FRS2: variants seen among roughly 807,000 people sequenced by gnomAD.
FRS2 encodes the protein FGFR signalling adaptor.
FRS2 carries 8 observed loss-of-function variants against 43.9 expected under a neutral mutation model. The ratio of observed to expected loss-of-function variants is 0.18; its 90% CI spans 0.11 to 0.33. The LOEUF is 0.33. Ranked by LOEUF, FRS2 falls within the 10% of genes least tolerant of loss-of-function variation. The pLI is 1.00. For synonymous variants in FRS2, 219 were observed against 220.3 expected (o/e 0.99, Z 0.05); for missense variants, 534 against 627.6 (o/e 0.85, Z 1.59).
Position 69,519,368 on chromosome 12 carries a change from A to T in FRS2, c.-260-11497A>T, listed in dbSNP as rs1330235105. ...ACGTTTACATTTGTATGCCTCTCTT[A>T]TGCATAATGTTGAAGACATAGAAGA... is the stretch of plus-strand genomic sequence containing the variant. On this transcript the variant is annotated intron_variant, in intron 1 of 8. Coordinates refer to ENST00000549921, the MANE Select transcript of FRS2 (RefSeq NM_001278356.2). Among the ~76,000 whole-genome samples, 3 of 152,224 alleles carry T rather than the reference A, an allele frequency of 2.0e-5. No homozygotes were observed. In the East Asian group the frequency reaches 5.8e-4, roughly 29 times the overall value.
chr12:69,520,376 GTTTTT>G (rs112572825), intron 1 of FRS2, among the ~76,000 whole-genome samples: 1 of 110,036 alleles, frequency 9.1e-6, no homozygotes, highest in African/African-American at 3.6e-5. Flanking sequence ...TCTATTATTA[GTTTTT>G]TTTTTTTTTT....
intron 7 of FRS2, 56 bp downstream of exon 7, chr12:69,571,490 A>G (rs1880752949): frequency 9.0e-6 from 12 of 1,327,408 alleles, no homozygotes; most frequent in Middle Eastern, 1.8e-4. Context: ...GTTGTAAGCT[A>G]TAGATTGTGG....
At chr12:69,567,551 A>T (rs1880404128) in intron 4 of FRS2, among the ~76,000 whole-genome samples, 1 of 152,178 alleles carries the variant, frequency 6.6e-6, no homozygotes, top group Non-Finnish European at 1.5e-5. Flanking sequence ...AGATAAACAG[A>T]TACCTGCCAC....
intron 1 of FRS2, among the ~76,000 whole-genome samples, chr12:69,489,269 G>C (rs961220085): frequency 7.2e-5 from 11 of 152,156 alleles, no homozygotes; most frequent in African/African-American, 2.7e-4. Flanking sequence ...TTGGGGTAGA[G>C]TTCTGTAAGT....
chr12:69,501,815 A>T (rs1873468857), intron 1 of FRS2, among the ~76,000 whole-genome samples: 1 of 152,210 alleles, frequency 6.6e-6, no homozygotes, highest in Non-Finnish European at 1.5e-5. Context: ...GGATTTCATT[A>T]TCATATTGTT....
chr12:69,552,545 C>CT (rs1351745408), intron 3 of FRS2, among the ~76,000 whole-genome samples: 6 of 152,086 alleles, frequency 3.9e-5, no homozygotes, highest in Non-Finnish European at 8.8e-5. Flanking sequence ...GGTACTTAAA[C>CT]TTACAAGATC....
At chr12:69,546,015 A>G (rs1319495411) in intron 3 of FRS2, among the ~76,000 whole-genome samples, 1 of 152,172 alleles carries the variant, frequency 6.6e-6, no homozygotes, top group African/African-American at 2.4e-5. Flanking sequence ...CGAATGCTTC[A>G]TGACATTGGA....
intron 6 of FRS2, among the ~76,000 whole-genome samples, chr12:69,570,870 G>A (rs897632121): frequency 2.0e-5 from 3 of 152,130 alleles, no homozygotes; most frequent in Admixed American, 6.5e-5. Flanking sequence ...AAAGGGAAAT[G>A]GTAATACCTA....
intron 3 of FRS2, among the ~76,000 whole-genome samples, chr12:69,547,452 AC>A (rs986777215): frequency 7.9e-5 from 12 of 152,060 alleles, no homozygotes; most frequent in African/African-American, 2.9e-4. Context: ...ACAGAGTGAG[AC>A]CCTGTCTCAA....
intron 3 of FRS2, among the ~76,000 whole-genome samples, chr12:69,534,051 A>C (rs1338572779): frequency 1.3e-5 from 2 of 152,180 alleles, no homozygotes; most frequent in African/African-American, 4.8e-5. Flanking sequence ...AGGTGGTGGA[A>C]TATGGAAATG....
chr12:69,572,120 C>G lies in FRS2; in HGVS notation c.415C>G (p.Pro139Ala). 1 of 1,612,750 alleles carries G rather than the reference C, an allele frequency of 6.2e-7. No individual in the cohort carries two copies. The highest frequency in any genetic ancestry group is 8.5e-7 in the Non-Finnish European group (1 of 1,179,244). The change falls in exon 8 of 9, where the codon CCA becomes GCA. Residue 139 changes from proline to alanine, a missense_variant and splice_region_variant. Transcript: ENST00000549921. Reference sequence around the variant, plus strand: ...TAAACCAATAAACAAAAACTCAGCTCCAGGATTTGCTGCTCAGAACTTACC... The same window carrying G: ...TAAACCAATAAACAAAAACTCAGCTGCAGGATTTGCTGCTCAGAACTTACC... ...VPRTPRTPTT[P>A]GFAAQNLPNG...
chr12:69,559,471 AAGAT>A (rs1162046577), intron 3 of FRS2, among the ~76,000 whole-genome samples: 1 of 152,130 alleles, frequency 6.6e-6, no homozygotes, highest in African/African-American at 2.4e-5. Flanking sequence ...AAACTAAAGA[AAGAT>A]CTGTTTAGGA....
intron 1 of FRS2, among the ~76,000 whole-genome samples, chr12:69,516,446 G>A (rs1481035217): frequency 6.6e-6 from 1 of 151,858 alleles, no homozygotes; most frequent in Non-Finnish European, 1.5e-5. Flanking sequence ...TTGAACTCCG[G>A]ACCTCAGGTG....
At chr12:69,565,663 A>G (rs1288605004) in intron 4 of FRS2, among the ~76,000 whole-genome samples, 1 of 152,192 alleles carries the variant, frequency 6.6e-6, no homozygotes, top group African/African-American at 2.4e-5. Flanking sequence ...GCATGGGCCT[A>G]TACAGGGTGA....
chr12:69,499,223 G>T (rs221108), intron 1 of FRS2, among the ~76,000 whole-genome samples: 14,207 of 152,144 alleles, frequency 0.093, 875 homozygotes, highest in Non-Finnish European at 0.14. Context: ...TATTATTCAG[G>T]CAATTGTGTG....
In FRS2 at chr12:69,470,530, G is replaced by C. The variant is rs1050918849; in HGVS notation, c.-261G>C. 17 of 398,470 alleles carry C rather than the reference G, an allele frequency of 4.3e-5. No individual in the cohort carries two copies. The highest frequency in any genetic ancestry group is 6.6e-5 in the Non-Finnish European group (15 of 226,080). The allele number at this position is 398,470 out of a possible 1,614,324, so 24.7% of individuals were successfully genotyped here. A position where few individuals can be genotyped will look rare whatever the true frequency, so the allele number is the denominator to read the frequency against. On this transcript the variant is annotated splice_region_variant and 5_prime_UTR_variant, in exon 1 of 9. Coordinates refer to ENST00000549921, the MANE Select transcript of FRS2 (RefSeq NM_001278356.2). Reference sequence around the variant, plus strand: ...GCTCCCTCTCAGCACCTGGGCGGACGGTGAGTGGCTAGGGAAACGGACTGG... The same window carrying C: ...GCTCCCTCTCAGCACCTGGGCGGACCGTGAGTGGCTAGGGAAACGGACTGG...
intron 2 of FRS2, among the ~76,000 whole-genome samples, chr12:69,531,456 G>A (rs1351864748): frequency 6.6e-6 from 1 of 151,992 alleles, no homozygotes; most frequent in African/African-American, 2.4e-5. Context: ...CATAATTTTG[G>A]TCATTATGCT....
chr12:69,571,697 T>TA lies in FRS2; in HGVS notation c.412+270dup, dbSNP rs1437629169. ...TAACACTGTGAACCTCCATCTCTAC[T>TA]AAAAAAATACAAAAAAATTAGCCGG... On this transcript the variant is annotated intron_variant, in intron 7 of 8. Coordinates refer to ENST00000549921, the MANE Select transcript of FRS2 (RefSeq NM_001278356.2). Among the ~76,000 whole-genome samples the TA allele has an allele frequency of 4.6e-5, 7 of 151,734 alleles. No individual in the cohort carries two copies. In the East Asian group the frequency reaches 5.8e-4, roughly 13 times the overall value.
chr12:69,573,608 G>A (rs151293172), intron 8 of FRS2, among the ~76,000 whole-genome samples: 5 of 152,016 alleles, frequency 3.3e-5, no homozygotes, highest in East Asian at 1.9e-4. Flanking sequence ...GATTACAGGC[G>A]CTCACCACCA....
Sources: gnomAD v4.1 joint callset for allele counts (sites outside exome capture counted in the v4.1 genomes callset) on GRCh38, gnomAD v4.1.1 for gene constraint, MANE v1.5 for transcripts, NCBI Gene and HGNC (gene_info 2026-07-23, HGNC 2026-07-21) for gene names.